Variants in WDR62 observed in about 807,000 individuals in gnomAD.
WDR62 encodes the protein WD repeat-containing protein 62.
In WDR62, 112 loss-of-function variants were observed where a neutral mutation model predicts 160.6. The observed-to-expected ratio is 0.70, with a 90% confidence interval of 0.60 to 0.82. WDR62 has a LOEUF of 0.82. WDR62 is among the 40% of genes least tolerant of loss of function. WDR62 has a pLI of 0.00. For missense variants in WDR62, 1,819 were observed against 1,983.8 expected (o/e 0.92, Z 1.58); for synonymous variants, 792 against 815.1 (o/e 0.97, Z 0.48).
rs760106565 is a variant in WDR62 at position 36,073,537 on chromosome 19, C to G, written c.1233+6C>G. On this transcript the variant is annotated splice_donor_region_variant and intron_variant, in intron 9 of 31. Coordinates refer to ENST00000401500, the MANE Select transcript of WDR62 (RefSeq NM_001083961.2). ...CCTACGTTTGGAACGTGGAGGTGAG[C>G]CCCCCCCCCACCCCCTTGCCCCTGC... 5 of 836,396 alleles carry G rather than the reference C, an allele frequency of 6.0e-6. No individual in the cohort carries two copies. The Admixed American group carries it at 6.2e-5, about 10-fold the overall frequency. 51.8% of individuals were successfully genotyped at this position (836,396 alleles called of 1,614,324 possible). A position where few individuals can be genotyped will look rare whatever the true frequency, so the allele number is the denominator to read the frequency against.
At chr19:36,096,762 C>T (rs2145827162) in intron 20 of WDR62, among the ~76,000 whole-genome samples, 1 of 152,220 alleles carries the variant, frequency 6.6e-6, no homozygotes, top group African/African-American at 2.4e-5. Context: ...CCAGTTACTG[C>T]CCCACCCTGC....
In WDR62 at chr19:36,091,407, A is replaced by G; in HGVS notation, c.2152A>G (p.Ile718Val). Residue 718 changes from isoleucine (I) to valine (V), a missense_variant, in exon 18 of 32, where the codon ATT (isoleucine) becomes GTT (valine). Transcript: ENST00000401500. ...CCTCTCTGCTTTGTTTGCAGAAATT[A>G]TTACCAGCATGAAGTTCACCTATGA... is the stretch of plus-strand genomic sequence containing the variant. ...IAKMFGHSEIITSMKFTYDCH... is the reference protein window; with the variant it reads ...IAKMFGHSEIVTSMKFTYDCH... The G allele has an allele frequency of 6.2e-7, 1 of 1,613,376 alleles. No homozygotes were observed. Among genetic ancestry groups the G allele is most frequent in the Middle Eastern group, 1.6e-4 (1 of 6,062 alleles).
intron 21 of WDR62, among the ~76,000 whole-genome samples, chr19:36,098,288 C>T (rs551508747): frequency 6.6e-6 from 1 of 151,762 alleles, no homozygotes; most frequent in South Asian, 2.1e-4. Flanking sequence ...AAAAAGAGAC[C>T]GGGTGCGGTG....
chr19:36,073,954 A>G (rs971099737), intron 9 of WDR62: 8 of 350,852 alleles, frequency 2.3e-5, no homozygotes, highest in Non-Finnish European at 3.9e-5. Context: ...CATGCACTCC[A>G]CAGAGAGCTT....
chr19:36,072,182 G>C (rs910058844), intron 8 of WDR62, among the ~76,000 whole-genome samples: 1 of 152,230 alleles, frequency 6.6e-6, no homozygotes, highest in Admixed American at 6.5e-5. Flanking sequence ...ATAGGCATGA[G>C]TGCTTTGGGG....
At chr19:36,090,852 C>T (rs550503710) in intron 16 of WDR62, among the ~76,000 whole-genome samples, 2 of 152,350 alleles carry the variant, frequency 1.3e-5, no homozygotes, top group Admixed American at 6.5e-5. Context: ...GGGGGACCTT[C>T]TCAGAGCCTC....
intron 7 of WDR62, among the ~76,000 whole-genome samples, chr19:36,069,991 A>AGAGAGGGAGTGGGAGACCGTGGG (rs1555713441): frequency 1.4e-5 from 2 of 145,980 alleles, no homozygotes; most frequent in African/African-American, 5.0e-5. Context: ...GACCGTGGAA[A>AGAGAGGGAGTGGGAGACCGTGGG]GAGAGGGAGA....
chr19:36,093,891 G>C, intron 19 of WDR62, 140 bp from the exon 20 acceptor site: 2 of 1,015,652 alleles, frequency 2.0e-6, no homozygotes, highest in South Asian at 2.5e-5. Context: ...CATCAAGTGA[G>C]AGACTTGCCA....
intron 3 of WDR62, among the ~76,000 whole-genome samples, chr19:36,064,464 A>G (rs986470833): frequency 2.6e-5 from 4 of 151,776 alleles, no homozygotes; most frequent in Non-Finnish European, 5.9e-5. Flanking sequence ...TATTTTTAGT[A>G]TAGACAGGGT....
In WDR62 at chr19:36,067,240, G is replaced by A. The variant is rs540987868; in HGVS notation, c.562-66G>A. On this transcript the variant is annotated intron_variant, in intron 5 of 31. Coordinates refer to ENST00000401500, the MANE Select transcript of WDR62 (RefSeq NM_001083961.2). ...GACGAGCAGGGAGTTCCAGCCTGAG[G>A]GCAAAGGCACAAACAGTCCAGTGGA... 1.0e-3 allele frequency: 1,606 copies of A among 1,609,760 alleles called. 1 individual carries two copies. The highest frequency in any genetic ancestry group is 1.2e-3 in the Non-Finnish European group (1,355 of 1,177,312).
intron 9 of WDR62, among the ~76,000 whole-genome samples, chr19:36,080,365 C>T (rs1407443634): frequency 2.0e-5 from 3 of 152,042 alleles, no homozygotes; most frequent in Non-Finnish European, 2.9e-5. Flanking sequence ...CCTCCCGCCT[C>T]GGCCTCCCGA....
the WDR62 span, among the ~76,000 whole-genome samples, chr19:36,110,861 C>T: frequency 6.6e-6 from 1 of 152,078 alleles, no homozygotes; most frequent in Admixed American, 6.6e-5. Context: ...GACCCTCAAC[C>T]CCTGGGAGAC....
rs1351358872 is a variant in WDR62 at position 36,103,711 on chromosome 19, G to A, written c.3883G>A (p.Ala1295Thr). 6.2e-7 allele frequency: 1 copy of A among 1,610,702 alleles called. No individual in the cohort carries two copies. Reference protein sequence around the residue: ...LRSWGNHEARANLRLTLSSAC... With the variant: ...LRSWGNHEARTNLRLTLSSAC... ...TTCCTGGGGCAACCACGAGGCCCGG[G>A]CCAACCTGAGACTGACCCTGTCAAG... The change falls in exon 30 of 32, where the codon GCC (alanine) becomes ACC (threonine). Residue 1295 changes from alanine (A) to threonine (T), a missense_variant. Around this residue, in one of 3 missense-constraint regions of WDR62, gnomAD observed 770 missense variants for 734.2 expected, o/e 1.05. Coordinates refer to ENST00000401500, the MANE Select transcript of WDR62 (RefSeq NM_001083961.2).
At chr19:36,105,988 C>T (rs566002508), downstream of WDR62, among the ~76,000 whole-genome samples, 219 of 152,266 alleles carry the variant, frequency 1.4e-3, no homozygotes, top group African/African-American at 5.0e-3. Flanking sequence ...CATGAGCCAC[C>T]GCACCTGGCC....
At chr19:36,063,898 T>G (rs1054531408) in intron 3 of WDR62, among the ~76,000 whole-genome samples, 7 of 152,262 alleles carry the variant, frequency 4.6e-5, no homozygotes, top group Non-Finnish European at 8.8e-5. Flanking sequence ...GCTTTGACAC[T>G]TTTCAGATGC....
In WDR62 at chr19:36,064,682, A is replaced by G. The variant is rs1484758193; in HGVS notation, c.333-1276A>G. On this transcript the variant is annotated intron_variant, in intron 3 of 31. Coordinates refer to ENST00000401500, the MANE Select transcript of WDR62 (RefSeq NM_001083961.2). The stretch of plus-strand genomic sequence containing the variant: ...AACCTCTGCCTCCCGGGTTCAAGCA[A>G]TTCTCCTGCCTCAGCCTCCCGAGTA... 4.6e-5 allele frequency among the ~76,000 whole-genome samples: 7 copies of G among 152,066 alleles called. No individual in the cohort carries two copies. In the East Asian group the frequency reaches 7.8e-4, roughly 17 times the overall value.
chr19:36,090,946 A>AT (rs1972563589), intron 16 of WDR62, among the ~76,000 whole-genome samples: 1 of 152,264 alleles, frequency 6.6e-6, no homozygotes, highest in Non-Finnish European at 1.5e-5. Flanking sequence ...AAATGCACAC[A>AT]GACAGCTTGT....
intron 12 of WDR62, among the ~76,000 whole-genome samples, chr19:36,086,422 T>A (rs1464274636): frequency 6.6e-6 from 1 of 152,108 alleles, no homozygotes; most frequent in East Asian, 1.9e-4. Context: ...GCTGTGGATG[T>A]CCCTGGAGGA....
chr19:36,085,414 C>CTTTTTTTTTTTTTTTTTTTTTT lies in WDR62; in HGVS notation c.1642+672_1642+693dup, dbSNP rs35753706. On this transcript the variant is annotated intron_variant, in intron 12 of 31. Coordinates refer to ENST00000401500, the MANE Select transcript of WDR62 (RefSeq NM_001083961.2). ...TAGGGCATGAGCCACCACACCTGACCTTTTTTTTTTTTTTTTTTTTTTTGA... is the reference window on the plus strand; with the variant it reads ...TAGGGCATGAGCCACCACACCTGACCTTTTTTTTTTTTTTTTTTTTTTTTTTTTTTTTTTTTTTTTTTTTTGA... Among the ~76,000 whole-genome samples, 16 of 70,400 alleles carry CTTTTTTTTTTTTTTTTTTTTTT rather than the reference C, an allele frequency of 2.3e-4. 3 individuals carry two copies. The highest frequency in any genetic ancestry group is 4.4e-4 in the Admixed American group (2 of 4,512). The allele number at this position is 70,400 out of a possible 152,430, so 46.2% of individuals were successfully genotyped here. A position where few individuals can be genotyped will look rare whatever the true frequency, so the allele number is the denominator to read the frequency against.
Sources: gnomAD v4.1 joint callset for allele counts (sites outside exome capture counted in the v4.1 genomes callset) on GRCh38, gnomAD v4.1.1 for gene constraint, gnomAD v4.1.1 regional missense constraint, MANE v1.5 for transcripts, NCBI Gene and HGNC (gene_info 2026-07-23, HGNC 2026-07-21) for gene names.